The following ATXN1 variants were observed in gnomAD, a reference collection of about 807,000 sequenced individuals.
The protein encoded by ATXN1 is ataxin 1, also known as ataxin-1.
Under a neutral mutation model 56.4 loss-of-function variants are expected in ATXN1, and 8 were observed. The observed-to-expected ratio is 0.14, with a 90% CI of 0.08 to 0.26. The LOEUF (loss-of-function observed/expected upper bound fraction) is 0.26, where lower values mean the gene tolerates loss of function less well. Ranked by LOEUF, ATXN1 falls within the 10% of genes least tolerant of loss-of-function variation. The pLI is 1.00. For synonymous variants in ATXN1, 514 were observed against 494.6 expected (o/e 1.04, Z -0.52); for missense variants, 987 against 1,106.5 (o/e 0.89, Z 1.53).
At chr6:16,525,940 C>G (rs1014121422) in intron 4 of ATXN1, among the ~76,000 whole-genome samples, 1 of 150,918 alleles carries the variant, frequency 6.6e-6, no homozygotes, top group Non-Finnish European at 1.5e-5. Flanking sequence ...CCACAGAAGT[C>G]CCACTAATAA....
At chr6:16,520,640 G>A (rs969372485) in intron 5 of ATXN1, among the ~76,000 whole-genome samples, 5 of 152,158 alleles carry the variant, frequency 3.3e-5, no homozygotes, top group African/African-American at 1.2e-4. Flanking sequence ...TGACTCTAAA[G>A]AGACCTTTAC....
In ATXN1 at chr6:16,584,956, G is replaced by T. The variant is rs1470110269; in HGVS notation, c.-361+824C>A. 2.6e-5 allele frequency among the ~76,000 whole-genome samples: 4 copies of T among 152,242 alleles called. No individual in the cohort carries two copies. In the East Asian group the frequency reaches 7.7e-4, roughly 29 times the overall value. On this transcript the variant is annotated intron_variant, in intron 4 of 7. Coordinates refer to ENST00000436367, the MANE Select transcript of ATXN1 (RefSeq NM_001128164.2). ...CATCATGAAAGCAATAAAATGTCTG[G>T]GTGTGGTGGATCACGCCTGTAATCC... is the stretch of plus-strand genomic sequence containing the variant.
chr6:16,625,475 T>C (rs1401205075), intron 3 of ATXN1, among the ~76,000 whole-genome samples: 2 of 152,168 alleles, frequency 1.3e-5, no homozygotes, highest in African/African-American at 2.4e-5. Context: ...TGTGTGACCA[T>C]GGTGTTCCTG....
At position 16,327,535 on chromosome 6, in the gene ATXN1, C is replaced by A. The variant is rs1396575101; in HGVS notation, c.776G>T (p.Arg259Leu). The A allele has an allele frequency of 2.5e-6, 4 of 1,609,748 alleles. No homozygotes were observed. In the South Asian group the frequency reaches 4.4e-5, roughly 18 times the overall value. Residue 259 changes from arginine (R) to leucine (L), a missense_variant, in exon 7 of 8, where the codon CGC becomes CTC. Physicochemically the swap from Arg to Leu is moderately radical, Grantham distance 102. Transcript: ENST00000436367. ...HISSSPQNTG[R>L]TASPPAIPVH... The stretch of plus-strand genomic sequence containing the variant: ...GGGGATGGCCGGAGGAGAGGCGGTG[C>A]GGCCGGTGTTCTGCGGAGAACTGGA...
At chr6:16,552,300 C>A (rs1453503850) in intron 4 of ATXN1, among the ~76,000 whole-genome samples, 1 of 152,188 alleles carries the variant, frequency 6.6e-6, no homozygotes, top group Non-Finnish European at 1.5e-5. Context: ...CAAGTCATCC[C>A]TAAATCCTTA....
intron 3 of ATXN1, among the ~76,000 whole-genome samples, chr6:16,589,347 G>A (rs927316747): frequency 1.3e-5 from 2 of 151,748 alleles, no homozygotes. Context: ...GTACAGCAGC[G>A]TGGCACATAA....
chr6:16,324,298 TA>T (rs1342794036), intron 7 of ATXN1, among the ~76,000 whole-genome samples: 1 of 152,004 alleles, frequency 6.6e-6, no homozygotes, highest in African/African-American at 2.4e-5. Flanking sequence ...TTTTTATTTT[TA>T]AATTAGCTGG....
intron 6 of ATXN1, among the ~76,000 whole-genome samples, chr6:16,481,568 G>A (rs1253838209): frequency 6.6e-6 from 1 of 152,006 alleles, no homozygotes; most frequent in African/African-American, 2.4e-5. Flanking sequence ...TTCTGAAAAG[G>A]GAGTCCATAG....
intron 6 of ATXN1, among the ~76,000 whole-genome samples, chr6:16,469,489 T>C (rs530028811): frequency 2.2e-4 from 33 of 152,324 alleles, no homozygotes; most frequent in African/African-American, 7.2e-4. Flanking sequence ...CTTTGCTTGA[T>C]ACTTGAGGAC....
At chr6:16,693,498 A>G (rs1759092846) in intron 2 of ATXN1, among the ~76,000 whole-genome samples, 1 of 152,208 alleles carries the variant, frequency 6.6e-6, no homozygotes, top group African/African-American at 2.4e-5. Flanking sequence ...CAAAGAGGTC[A>G]ATCTCTATTC....
intron 2 of ATXN1, among the ~76,000 whole-genome samples, chr6:16,668,942 A>C (rs1243445108): frequency 2.0e-5 from 3 of 152,078 alleles, no homozygotes; most frequent in Non-Finnish European, 4.4e-5. Context: ...TGGATGACAG[A>C]CTGCAGGAAG....
At chr6:16,690,255 C>A (rs747998176) in intron 2 of ATXN1, among the ~76,000 whole-genome samples, 5 of 151,806 alleles carry the variant, frequency 3.3e-5, no homozygotes, top group Non-Finnish European at 7.4e-5. Context: ...GATTGGGTAG[C>A]CTCAAAGAGG....
intron 3 of ATXN1, among the ~76,000 whole-genome samples, chr6:16,641,705 T>C (rs892500351): frequency 6.6e-6 from 1 of 152,078 alleles, no homozygotes; most frequent in African/African-American, 2.4e-5. Context: ...GATCAAGGAG[T>C]AATTTTTATT....
intron 2 of ATXN1, among the ~76,000 whole-genome samples, chr6:16,748,762 G>A (rs907154289): frequency 1.3e-5 from 2 of 151,706 alleles, no homozygotes; most frequent in Non-Finnish European, 2.9e-5. Flanking sequence ...TAACCTTCTT[G>A]TCTTTGATGA....
chr6:16,582,593 T>C (rs1019568489), intron 4 of ATXN1, among the ~76,000 whole-genome samples: 2 of 152,340 alleles, frequency 1.3e-5, no homozygotes, highest in African/African-American at 2.4e-5. Flanking sequence ...ATAGGTCTTG[T>C]ACATGAATGC....
At chr6:16,347,262 C>CA (rs1041978926) in intron 6 of ATXN1, among the ~76,000 whole-genome samples, 2 of 152,260 alleles carry the variant, frequency 1.3e-5, no homozygotes, top group African/African-American at 2.4e-5. Context: ...CCTACTGCCT[C>CA]TGTGAAGATC....
At chr6:16,671,399 AG>A (rs1758539329) in intron 2 of ATXN1, among the ~76,000 whole-genome samples, 1 of 151,064 alleles carries the variant, frequency 6.6e-6, no homozygotes. Context: ...TATGCAGGAG[AG>A]GGTATCAGGA....
intron 2 of ATXN1, among the ~76,000 whole-genome samples, chr6:16,733,241 T>C (rs1211442949): frequency 6.6e-6 from 1 of 152,164 alleles, no homozygotes; most frequent in Non-Finnish European, 1.5e-5. Context: ...CAAAAATGTT[T>C]GCTATTTTAA....
chr6:16,613,423 G>A (rs920553643), intron 3 of ATXN1, among the ~76,000 whole-genome samples: 1 of 151,386 alleles, frequency 6.6e-6, no homozygotes, highest in African/African-American at 2.4e-5. Context: ...CTAATCTTAA[G>A]TTTCAGAGAA....
Sources: allele counts gnomAD v4.1 joint callset (sites outside exome capture counted in the v4.1 genomes callset), GRCh38; gene constraint gnomAD v4.1.1; transcripts MANE v1.5; gene names NCBI Gene and HGNC (gene_info 2026-07-23, HGNC 2026-07-21).